NSMAF: variants seen among roughly 807,000 people sequenced by gnomAD.
NSMAF encodes the protein protein FAN.
A neutral mutation model predicts 134.9 loss-of-function variants in NSMAF; 90 were observed. The observed-to-expected ratio is 0.67, with a 90% CI of 0.56 to 0.79. NSMAF has a LOEUF of 0.79. Among genes scored for constraint, NSMAF ranks in the 30% least tolerant of loss-of-function variants. The probability of loss-of-function intolerance (pLI) is 0.00; values close to 1 mark genes in which losing one functional copy is unlikely to be tolerated. For missense variants in NSMAF, 1,010 were observed against 1,119.0 expected, an observed-to-expected ratio of 0.90 and a Z score of 1.39; for synonymous variants, 358 against 389.6, an observed-to-expected ratio of 0.92 and a Z score of 0.96.
At chr8:58,595,988 C>T (rs1806128778) in intron 21 of NSMAF, 1 of 206,062 alleles carries the variant, frequency 4.9e-6, no homozygotes, top group Admixed American at 5.4e-5. Flanking sequence ...TTTCAAAAAC[C>T]TGACAGTTGC....
At chr8:58,634,670 G>A (rs1807128876) in intron 5 of NSMAF, among the ~76,000 whole-genome samples, 1 of 152,150 alleles carries the variant, frequency 6.6e-6, no homozygotes, top group African/African-American at 2.4e-5. Context: ...TATGACAGGA[G>A]AAAAAGCATG....
rs1201875729 is a variant in NSMAF, at chr8:58,598,512, GA to G, written c.1586-611del. Among the ~76,000 whole-genome samples, 109 of 116,238 alleles carry G rather than the reference GA, an allele frequency of 9.4e-4. 1 individual carries two copies. Among genetic ancestry groups the G allele is most frequent in the East Asian group, 1.6e-3 (6 of 3,820 alleles). 76.3% of individuals were successfully genotyped at this position (116,238 alleles called of 152,430 possible). On this transcript the variant is annotated intron_variant, in intron 19 of 30. Transcript: ENST00000038176. ...AAACAAAAAAAAAAAAAAAAAAAAAGAAAAAAAAAAGAAAAGAAAAGGAAAA... is the reference window on the plus strand; with the variant it reads ...AAACAAAAAAAAAAAAAAAAAAAAAGAAAAAAAAAGAAAAGAAAAGGAAAA...
intron 10 of NSMAF, among the ~76,000 whole-genome samples, chr8:58,608,397 AAG>A (rs2129142234): frequency 6.6e-6 from 1 of 152,328 alleles, no homozygotes; most frequent in African/African-American, 2.4e-5. Context: ...AAACACTAGT[AAG>A]AGAGAAAGGA....
chr8:58,630,419 T>C (rs1807031198), intron 6 of NSMAF, among the ~76,000 whole-genome samples: 1 of 151,914 alleles, frequency 6.6e-6, no homozygotes, highest in South Asian at 2.1e-4. Context: ...TCCTTTCACA[T>C]AATCTTTCAA....
chr8:58,645,053 G>A (rs1807415262), intron 1 of NSMAF, among the ~76,000 whole-genome samples: 1 of 150,940 alleles, frequency 6.6e-6, no homozygotes, highest in African/African-American at 2.4e-5. Flanking sequence ...CATGGCACGT[G>A]TATACCTATG....
chr8:58,585,218 C>G (rs1374748891), intron 30 of NSMAF, among the ~76,000 whole-genome samples: 1 of 152,050 alleles, frequency 6.6e-6, no homozygotes, highest in Non-Finnish European at 1.5e-5. Flanking sequence ...ATTCACAGGA[C>G]ACACACTGGT....
intron 21 of NSMAF, chr8:58,595,906 G>C (rs1806127567): frequency 3.0e-6 from 1 of 329,216 alleles, no homozygotes; most frequent in Non-Finnish European, 5.8e-6. Flanking sequence ...TGTTTGCAAA[G>C]TTTTCACTCG....
At chr8:58,607,329 G>A (rs1162461049) in intron 11 of NSMAF, among the ~76,000 whole-genome samples, 1 of 152,216 alleles carries the variant, frequency 6.6e-6, no homozygotes, top group East Asian at 1.9e-4. Flanking sequence ...TCAGCCCAAA[G>A]GTTGAATTAA....
intron 10 of NSMAF, among the ~76,000 whole-genome samples, chr8:58,608,277 TAAA>T (rs1806452885): frequency 1.3e-5 from 2 of 152,214 alleles, no homozygotes; most frequent in African/African-American, 2.4e-5. Flanking sequence ...TTTATCTCAT[TAAA>T]AATTACAGTG....
intron 16 of NSMAF, 139 bp from the exon 17 acceptor site, chr8:58,600,160 C>T: frequency 1.5e-6 from 1 of 651,176 alleles, no homozygotes; most frequent in Non-Finnish European, 2.6e-6. Context: ...AACCATCTCT[C>T]TGAGTGTCCC....
intron 24 of NSMAF, 121 bp from the exon 25 acceptor site, chr8:58,590,195 C>T: frequency 1.3e-6 from 1 of 787,554 alleles, no homozygotes; most frequent in South Asian, 1.7e-5. Context: ...TGGCTCTCCT[C>T]CTATTTACGC....
rs541766759 is a variant in NSMAF at position 58,655,470 on chromosome 8, G to A, written c.59+4103C>T. Among the ~76,000 whole-genome samples, 10 of 148,154 alleles carry A rather than the reference G, an allele frequency of 6.7e-5. No homozygotes were observed. In the South Asian group the frequency reaches 1.3e-3, roughly 19 times the overall value. ...GCTGGGGTGCAGTGGTATGACCATA[G>A]CTCACTGTAACCTTGGACTCCTGGG... On this transcript the variant is annotated intron_variant, in intron 1 of 30. Transcript: ENST00000038176.
intron 11 of NSMAF, 100 bp from the exon 12 acceptor site, chr8:58,606,135 G>C: frequency 9.5e-7 from 1 of 1,055,352 alleles, no homozygotes; most frequent in Non-Finnish European, 1.3e-6. Flanking sequence ...TTAAACATTT[G>C]TGTTTATTTT....
rs1178570195 is a variant in NSMAF at position 58,618,520 on chromosome 8, A to G, written c.557+4700T>C. 5.9e-5 allele frequency among the ~76,000 whole-genome samples: 9 copies of G among 152,132 alleles called. No homozygotes were observed. The East Asian group carries it at 1.5e-3, about 26-fold the overall frequency. On this transcript the variant is annotated intron_variant, in intron 9 of 30. Coordinates refer to ENST00000038176, the MANE Select transcript of NSMAF (RefSeq NM_003580.4). The stretch of plus-strand genomic sequence containing the variant: ...CTGAAGTACTTATGGGAGAAGTGTT[A>G]TGATACCTCAGAATTTAGTTTCAGA...
intron 11 of NSMAF, among the ~76,000 whole-genome samples, chr8:58,607,438 C>A (rs758634318): frequency 6.6e-6 from 1 of 152,206 alleles, no homozygotes; most frequent in South Asian, 2.1e-4. Context: ...ATGGTGGAGG[C>A]AAGTACAGCA....
At chr8:58,626,651 A>T (rs562466040) in intron 6 of NSMAF, among the ~76,000 whole-genome samples, 276 of 152,308 alleles carry the variant, frequency 1.8e-3, no homozygotes, top group African/African-American at 6.4e-3. Context: ...GCAATTGCAA[A>T]TTGTGTTACT....
At chr8:58,609,954 C>A (rs2129142468) in intron 9 of NSMAF, among the ~76,000 whole-genome samples, 1 of 152,252 alleles carries the variant, frequency 6.6e-6, no homozygotes, top group Middle Eastern at 3.4e-3. Flanking sequence ...AGATTATCTA[C>A]CACAGAAGCC....
At chr8:58,616,843 A>T (rs2129143395) in intron 9 of NSMAF, among the ~76,000 whole-genome samples, 1 of 152,334 alleles carries the variant, frequency 6.6e-6, no homozygotes, top group East Asian at 1.9e-4. Context: ...AATCTAGCAA[A>T]AAACACTCTA....
At chr8:58,612,725 C>A (rs1438001853) in intron 9 of NSMAF, among the ~76,000 whole-genome samples, 2 of 152,020 alleles carry the variant, frequency 1.3e-5, no homozygotes, top group Non-Finnish European at 2.9e-5. Context: ...TGTAGAATAC[C>A]CAACTGGTGT....
Sources: gnomAD v4.1 joint callset for allele counts (sites outside exome capture counted in the v4.1 genomes callset) on GRCh38, gnomAD v4.1.1 for gene constraint, MANE v1.5 for transcripts, NCBI Gene and HGNC (gene_info 2026-07-23, HGNC 2026-07-21) for gene names.